The following RAP1GDS1 variants were observed in gnomAD, a reference collection of about 807,000 sequenced individuals.
RAP1GDS1 encodes Rap1 GTPase-GDP dissociation stimulator 1, also known as RAP1, GTP-GDP dissociation stimulator 1.
RAP1GDS1 carries 35 observed loss-of-function variants against 71.1 expected under a neutral mutation model. The observed-to-expected ratio is 0.49, with a 90% confidence interval of 0.38 to 0.65. The LOEUF (loss-of-function observed/expected upper bound fraction) is 0.65. RAP1GDS1 is among the 30% of genes least tolerant of loss of function. The pLI is 0.00. For synonymous variants in RAP1GDS1, 229 were observed against 243.1 expected, an observed-to-expected ratio of 0.94 and a Z score of 0.54; for missense variants, 663 against 706.1, an observed-to-expected ratio of 0.94 and a Z score of 0.69.
At chr4:98,441,918 AT>A (rs983935597) in intron 14 of RAP1GDS1, 71 bp from the exon 15 acceptor site, 8 of 1,512,922 alleles carry the variant, frequency 5.3e-6, no homozygotes, top group African/African-American at 1.4e-5. Flanking sequence ...CAAAATAAAC[AT>A]TTTGGTATAT....
At chr4:98,400,162 A>T (rs993106891) in intron 6 of RAP1GDS1, among the ~76,000 whole-genome samples, 23 of 127,344 alleles carry the variant, frequency 1.8e-4, no homozygotes, top group South Asian at 2.4e-4. Flanking sequence ...ATCTCAGTTT[A>T]AAAAAAAACA....
intron 2 of RAP1GDS1, among the ~76,000 whole-genome samples, chr4:98,313,937 G>T (rs1360008069): frequency 6.6e-6 from 1 of 152,076 alleles, no homozygotes; most frequent in African/African-American, 2.4e-5. Context: ...GAGAAATTGG[G>T]TCGTTGTTTT....
intron 3 of RAP1GDS1, among the ~76,000 whole-genome samples, chr4:98,351,034 A>G (rs998453797): frequency 2.6e-5 from 4 of 152,188 alleles, no homozygotes; most frequent in Admixed American, 6.5e-5. Context: ...TTTGAAATCT[A>G]TGAAGGGTCT....
chr4:98,429,108 A>C (rs940908082), intron 12 of RAP1GDS1, among the ~76,000 whole-genome samples: 4 of 151,916 alleles, frequency 2.6e-5, no homozygotes, highest in Non-Finnish European at 5.9e-5. Flanking sequence ...AATACAAAAA[A>C]TTAGCCAGGC....
chr4:98,293,895 A>C (rs1386140827), intron 2 of RAP1GDS1, among the ~76,000 whole-genome samples: 1 of 152,106 alleles, frequency 6.6e-6, no homozygotes, highest in Non-Finnish European at 1.5e-5. Context: ...GAGAGAGAGG[A>C]GAAACAGAGG....
At chr4:98,328,357 T>G (rs1310594882) in intron 2 of RAP1GDS1, among the ~76,000 whole-genome samples, 1 of 152,230 alleles carries the variant, frequency 6.6e-6, no homozygotes, top group Admixed American at 6.5e-5. Context: ...TACTATTATA[T>G]AAAAGTCTTG....
At position 98,434,070 on chromosome 4, in the gene RAP1GDS1, C is replaced by T. The variant is rs376422789; in HGVS notation, c.1567+8C>T. ...TAGCAGCTTTAGAATTGGGTAAGTA[C>T]CCCAGTGACAAACTTATTTTCTTCT... is the stretch of plus-strand genomic sequence containing the variant. On this transcript the variant is annotated splice_region_variant and intron_variant, in intron 13 of 14. Transcript: ENST00000408927. The T allele has an allele frequency of 4.3e-6, 7 of 1,610,772 alleles. No homozygotes were observed. The highest frequency in any genetic ancestry group is 5.9e-6 in the Non-Finnish European group (7 of 1,177,646).
chr4:98,340,584 C>T (rs1203549662), intron 2 of RAP1GDS1, among the ~76,000 whole-genome samples: 3 of 151,764 alleles, frequency 2.0e-5, no homozygotes, highest in African/African-American at 7.3e-5. Flanking sequence ...CCCATCTCTA[C>T]TAAAAAATAC....
intron 7 of RAP1GDS1, among the ~76,000 whole-genome samples, chr4:98,411,790 G>A (rs754461752): frequency 2.2e-4 from 34 of 152,148 alleles, no homozygotes; most frequent in Non-Finnish European, 4.0e-4. Flanking sequence ...CCCAGTACAC[G>A]AAGGAGAGTG....
At chr4:98,425,214 C>A (rs1749446475) in intron 12 of RAP1GDS1, among the ~76,000 whole-genome samples, 1 of 152,114 alleles carries the variant, frequency 6.6e-6, no homozygotes, top group South Asian at 2.1e-4. Flanking sequence ...ACCAAGCCAG[C>A]ACTACAAGAG....
chr4:98,330,434 G>A (rs1353448677), intron 2 of RAP1GDS1, among the ~76,000 whole-genome samples: 4 of 150,430 alleles, frequency 2.7e-5, no homozygotes, highest in Non-Finnish European at 4.4e-5. Context: ...ATGGGGTCGC[G>A]GCCGGGCAGA....
intron 4 of RAP1GDS1, among the ~76,000 whole-genome samples, chr4:98,368,593 G>A (rs2110461078): frequency 6.6e-6 from 1 of 152,204 alleles, no homozygotes; most frequent in African/African-American, 2.4e-5. Flanking sequence ...TTATGAGTGA[G>A]ATCAATTGCA....
At chr4:98,430,288 AC>A (rs1189978675) in intron 12 of RAP1GDS1, among the ~76,000 whole-genome samples, 7 of 152,224 alleles carry the variant, frequency 4.6e-5, no homozygotes, top group Non-Finnish European at 1.0e-4. Context: ...ACAATTCAAT[AC>A]CTTTACATAT....
At chr4:98,390,722 C>G (rs79910906) in intron 5 of RAP1GDS1, among the ~76,000 whole-genome samples, 2 of 152,086 alleles carry the variant, frequency 1.3e-5, no homozygotes, top group Non-Finnish European at 2.9e-5. Flanking sequence ...GCTTCCTTAT[C>G]TATAGATTAA....
At chr4:98,315,252 T>C (rs370565199) in intron 2 of RAP1GDS1, among the ~76,000 whole-genome samples, 1 of 152,316 alleles carries the variant, frequency 6.6e-6, no homozygotes, top group African/African-American at 2.4e-5. Flanking sequence ...TTAACCTCTC[T>C]CTGTCTCTTA....
intron 4 of RAP1GDS1, among the ~76,000 whole-genome samples, chr4:98,377,340 A>G (rs1741314229): frequency 6.6e-6 from 1 of 151,978 alleles, no homozygotes; most frequent in African/African-American, 2.4e-5. Flanking sequence ...GAAATTGCCC[A>G]GTAATTTAGA....
In RAP1GDS1 at chr4:98,421,307, G is replaced by A. The variant is rs1748822875; in HGVS notation, c.1353G>A (p.Val451=). 21 of 1,611,996 alleles carry A rather than the reference G, an allele frequency of 1.3e-5. No individual in the cohort carries two copies. In the East Asian group the frequency reaches 4.7e-4, roughly 36 times the overall value. ...GKNVKLVERL[V]EWCEAKDHAG... ...ATGTTAAGTTAGTGGAGCGTTTGGTGGAATGGTGTGAAGCCAAAGATCATG... is the reference window on the plus strand; with the variant it reads ...ATGTTAAGTTAGTGGAGCGTTTGGTAGAATGGTGTGAAGCCAAAGATCATG... The change falls in exon 12 of 15, where the codon GTG becomes GTA. Residue 451 remains valine (V), a synonymous_variant. Coordinates refer to ENST00000408927, the MANE Select transcript of RAP1GDS1 (RefSeq NM_001100427.2).
At position 98,415,617 on chromosome 4, in the gene RAP1GDS1, A is replaced by C. The variant is rs80212703; in HGVS notation, c.764-1128A>C. ...AGCTCTTCAGTGAAATAAGTGTTAT[A>C]ATGAAAGAATACTTAAAGATATTAG... On this transcript the variant is annotated intron_variant, in intron 7 of 14. Transcript: ENST00000408927. Among the ~76,000 whole-genome samples, 1,051 of 152,294 alleles carry C rather than the reference A, an allele frequency of 6.9e-3. 17 individuals carry two copies. The highest frequency in any genetic ancestry group is 0.024 in the African/African-American group (1,012 of 41,562).
At chr4:98,315,688 G>A (rs1012800896) in intron 2 of RAP1GDS1, among the ~76,000 whole-genome samples, 2 of 151,778 alleles carry the variant, frequency 1.3e-5, no homozygotes, top group African/African-American at 4.8e-5. Context: ...AGGGCATAAG[G>A]GATCATATTA....
Sources: allele counts gnomAD v4.1 joint callset (sites outside exome capture counted in the v4.1 genomes callset), GRCh38; gene constraint gnomAD v4.1.1; transcripts MANE v1.5; gene names NCBI Gene and HGNC (gene_info 2026-07-23, HGNC 2026-07-21).